Variants in ARHGAP31 observed in about 807,000 individuals in gnomAD.
ARHGAP31 encodes rho GTPase-activating protein 31.
In ARHGAP31, 34 loss-of-function variants were observed where a neutral mutation model predicts 113.9. The ratio of observed to expected loss-of-function variants is 0.30; its 90% confidence interval spans 0.23 to 0.40. The LOEUF (loss-of-function observed/expected upper bound fraction) is 0.40. ARHGAP31 is among the 10% of genes least tolerant of loss of function. The probability of loss-of-function intolerance (pLI) is 1.00; values close to 1 mark genes in which losing one functional copy is unlikely to be tolerated. For synonymous variants in ARHGAP31, 650 were observed against 684.8 expected, an observed-to-expected ratio of 0.95 and a Z score of 0.79; for missense variants, 1,548 against 1,767.1, an observed-to-expected ratio of 0.88 and a Z score of 2.22.
chr3:119,313,867 T>C (rs1409668047), intron 1 of ARHGAP31, among the ~76,000 whole-genome samples: 1 of 152,204 alleles, frequency 6.6e-6, no homozygotes, highest in African/African-American at 2.4e-5. Flanking sequence ...CCAGAGTATA[T>C]CTTAAGGTAG....
intron 1 of ARHGAP31, among the ~76,000 whole-genome samples, chr3:119,301,356 G>A (rs79274241): frequency 0.024 from 3,668 of 152,342 alleles, 142 homozygotes; most frequent in African/African-American, 0.083. Context: ...GCGGGGTGAG[G>A]GAGAGCTGAA....
intron 1 of ARHGAP31, among the ~76,000 whole-genome samples, chr3:119,346,280 A>C (rs938238826): frequency 6.6e-6 from 1 of 152,236 alleles, no homozygotes; most frequent in African/African-American, 2.4e-5. Flanking sequence ...GAATCATGAG[A>C]TCTTTAGAAC....
At chr3:119,407,071 C>T (rs117375647) in intron 10 of ARHGAP31, among the ~76,000 whole-genome samples, 4 of 152,136 alleles carry the variant, frequency 2.6e-5, no homozygotes, top group East Asian at 1.9e-4. Flanking sequence ...TCATGCTGGG[C>T]GCGATGGCTC....
At chr3:119,332,633 TCTCACACACACACACACA>T (rs1296151306) in intron 1 of ARHGAP31, among the ~76,000 whole-genome samples, 91 of 61,564 alleles carry the variant, frequency 1.5e-3, no homozygotes, top group African/African-American at 5.5e-3. Context: ...TCTCTCTCTC[TCTCACACACACACACACA>T]CACACACACA....
At chr3:119,328,206 G>A (rs1414376542) in intron 1 of ARHGAP31, among the ~76,000 whole-genome samples, 1 of 152,100 alleles carries the variant, frequency 6.6e-6, no homozygotes, top group Non-Finnish European at 1.5e-5. Flanking sequence ...AAGAGTAAAT[G>A]CCACCAAGTA....
rs2107648044 is a variant in ARHGAP31, at chr3:119,415,977, T to C, written c.4048T>C (p.Phe1350Leu). 2 of 1,614,192 alleles carry C rather than the reference T, an allele frequency of 1.2e-6. No homozygotes were observed. Among genetic ancestry groups the C allele is most frequent in the East Asian group, 2.2e-5 (1 of 44,884 alleles). The change falls in exon 12 of 12, where the codon TTC becomes CTC. Residue 1350 changes from phenylalanine to leucine, a missense_variant. Transcript: ENST00000264245. ...AGGAAGACCTCAGAGCCTAATCTTATTCAGTCCTCCTTTCCCCATTATGGA... is the reference window on the plus strand; with the variant it reads ...AGGAAGACCTCAGAGCCTAATCTTACTCAGTCCTCCTTTCCCCATTATGGA... ...RPGRPQSLIL[F>L]SPPFPIMDHL... is the part of the protein sequence containing the mutation.
intron 1 of ARHGAP31, among the ~76,000 whole-genome samples, chr3:119,358,326 GACAATAAAA>G (rs2080176663): frequency 6.6e-6 from 1 of 152,164 alleles, no homozygotes; most frequent in African/African-American, 2.4e-5. Context: ...CTACTAGGAT[GACAATAAAA>G]AAGATAGACA....
At chr3:119,298,471 T>A (rs1484903710) in intron 1 of ARHGAP31, among the ~76,000 whole-genome samples, 1 of 152,232 alleles carries the variant, frequency 6.6e-6, no homozygotes, top group East Asian at 1.9e-4. Flanking sequence ...ATGCCAAGTG[T>A]TCTGGGTCTT....
intron 1 of ARHGAP31, among the ~76,000 whole-genome samples, chr3:119,336,768 C>T (rs900108933): frequency 5.3e-5 from 8 of 152,074 alleles, no homozygotes; most frequent in African/African-American, 2.4e-5. Context: ...TTTGCATCAC[C>T]CTCAAAAGAA....
At chr3:119,348,103 G>A (rs2080076975) in intron 1 of ARHGAP31, among the ~76,000 whole-genome samples, 1 of 152,206 alleles carries the variant, frequency 6.6e-6, no homozygotes, top group African/African-American at 2.4e-5. Flanking sequence ...CCTCCTGTCA[G>A]ATCAGTGGCA....
At chr3:119,301,571 G>A (rs971580659) in intron 1 of ARHGAP31, among the ~76,000 whole-genome samples, 3 of 152,202 alleles carry the variant, frequency 2.0e-5, no homozygotes, top group African/African-American at 7.2e-5. Flanking sequence ...AAGCAGGTGT[G>A]AGGGGAAACA....
At chr3:119,360,574 C>T (rs2080196980) in intron 1 of ARHGAP31, among the ~76,000 whole-genome samples, 1 of 152,178 alleles carries the variant, frequency 6.6e-6, no homozygotes, top group African/African-American at 2.4e-5. Flanking sequence ...CTGGCCTTTT[C>T]TGCATTAAAC....
chr3:119,326,314 G>T (rs1286521442), intron 1 of ARHGAP31, among the ~76,000 whole-genome samples: 1 of 152,092 alleles, frequency 6.6e-6, no homozygotes, highest in Non-Finnish European at 1.5e-5. Context: ...ATCACCTGTG[G>T]ATCTTGTTAA....
At chr3:119,413,008 ACT>A (rs1389997530) in intron 11 of ARHGAP31, among the ~76,000 whole-genome samples, 1 of 144,972 alleles carries the variant, frequency 6.9e-6, no homozygotes, top group East Asian at 2.1e-4. Context: ...ATAGAGCGAG[ACT>A]CTGTCTCAAA....
intron 11 of ARHGAP31, among the ~76,000 whole-genome samples, chr3:119,412,248 T>TGTG (rs1187234947): frequency 6.6e-6 from 1 of 151,678 alleles, no homozygotes; most frequent in Non-Finnish European, 1.5e-5. Flanking sequence ...ATTAGCCGGG[T>TGTG]GTGGTGGCAC....
At chr3:119,299,176 C>G (rs116345188) in intron 1 of ARHGAP31, among the ~76,000 whole-genome samples, 4,494 of 152,290 alleles carry the variant, frequency 0.03, 201 homozygotes, top group African/African-American at 0.099. Flanking sequence ...GAAAAAAATG[C>G]TGTTGCTCAG....
At chr3:119,370,641 T>C (rs1332027288) in intron 3 of ARHGAP31, among the ~76,000 whole-genome samples, 1 of 152,178 alleles carries the variant, frequency 6.6e-6, no homozygotes, top group Non-Finnish European at 1.5e-5. Context: ...GTTTGGGGGA[T>C]GCTTTTAATT....
rs779777663 is a variant in ARHGAP31 at position 119,415,858 on chromosome 3, G to T, written c.3929G>T (p.Arg1310Leu). ...GATGCAGTAGTGCAATGCAGAAAGC[G>T]CATGTCAGAGACAGAGCCATCTGGG... Reference protein sequence around the residue: ...TQDAVVQCRKRMSETEPSGDN... With the variant: ...TQDAVVQCRKLMSETEPSGDN... The change falls in exon 12 of 12, where the codon CGC (arginine) becomes CTC (leucine). Residue 1310 changes from arginine to leucine, a missense_variant. By Grantham distance (102) the Arg-to-Leu change is moderately radical. Transcript: ENST00000264245. 1 of 1,614,214 alleles carries T rather than the reference G, an allele frequency of 6.2e-7. No homozygotes were observed. The highest frequency in any genetic ancestry group is 1.7e-5 in the Admixed American group (1 of 60,022).
At chr3:119,407,073 C>T (rs527248364) in intron 10 of ARHGAP31, among the ~76,000 whole-genome samples, 3 of 152,158 alleles carry the variant, frequency 2.0e-5, no homozygotes, top group South Asian at 4.2e-4. Context: ...ATGCTGGGCG[C>T]GATGGCTCAC....
Sources: allele counts gnomAD v4.1 joint callset (sites outside exome capture counted in the v4.1 genomes callset), GRCh38; gene constraint gnomAD v4.1.1; transcripts MANE v1.5; gene names NCBI Gene and HGNC (gene_info 2026-07-23, HGNC 2026-07-21).